Variants in ZBTB21 observed in about 807,000 individuals in gnomAD.
The protein encoded by ZBTB21 is zinc finger and BTB domain-containing protein 21.
ZBTB21 carries 10 observed loss-of-function variants against 39.8 expected under a neutral mutation model. The ratio of observed to expected loss-of-function variants is 0.25; its 90% CI spans 0.16 to 0.43. The LOEUF is 0.43. Among genes scored for constraint, ZBTB21 ranks in the 20% least tolerant of loss-of-function variants. The probability of loss-of-function intolerance (pLI) is 1.00; values close to 1 mark genes in which losing one functional copy is unlikely to be tolerated. For missense variants in ZBTB21, 1,221 were observed against 1,296.3 expected (o/e 0.94, Z 0.89); for synonymous variants, 551 against 498.8 (o/e 1.10, Z -1.40).
chr21:42,002,149 A>G lies in ZBTB21; in HGVS notation c.-14+748T>C, dbSNP rs529622513. ...GTACCCCAGGATCTAGAGACTCTAG[A>G]TGTCTAGATAGGAGACAGGGGTAGC... On this transcript the variant is annotated intron_variant, in intron 2 of 2. Coordinates refer to ENST00000310826, the MANE Select transcript of ZBTB21 (RefSeq NM_001098402.2). 3.1e-4 allele frequency among the ~76,000 whole-genome samples: 47 copies of G among 152,326 alleles called. 2 individuals carry two copies. The highest frequency in any genetic ancestry group is 1.9e-3 in the Admixed American group (29 of 15,312).
chr21:41,992,845 G>A lies in ZBTB21; in HGVS notation c.1251C>T (p.Asp417=). 1 of 1,614,172 alleles carries A rather than the reference G, an allele frequency of 6.2e-7. No homozygotes were observed. The highest frequency in any genetic ancestry group is 1.1e-5 in the South Asian group (1 of 91,078). The change falls in exon 3 of 3, where the codon GAC becomes GAT. Residue 417 remains aspartate, a synonymous_variant. Coordinates refer to ENST00000310826, the MANE Select transcript of ZBTB21 (RefSeq NM_001098402.2). The surrounding 1 kb of genome is among the most constrained non-coding windows in gnomAD (Gnocchi z 4.1). ...LRSFSASQST[D]REGASPVTEV... is the part of the protein sequence containing the mutation. The stretch of plus-strand genomic sequence containing the variant: ...CAGTCACAGGGGAAGCTCCCTCCCT[G>A]TCTGTTGACTGAGAAGCACTAAAGG...
chr21:42,008,716 G>T (rs1007961553), intron 1 of ZBTB21, among the ~76,000 whole-genome samples: 16 of 152,010 alleles, frequency 1.1e-4, no homozygotes, highest in Non-Finnish European at 1.5e-4. Context: ...GAGGGCAGGG[G>T]TTATATCTTC....
chr21:42,005,631 T>C (rs1303422722), intron 1 of ZBTB21, among the ~76,000 whole-genome samples: 1 of 152,262 alleles, frequency 6.6e-6, no homozygotes, highest in Non-Finnish European at 1.5e-5. Context: ...TCACTGTTCC[T>C]TGTCATGCCT....
At chr21:42,008,342 CAAAAAAA>C (rs767411984) in intron 1 of ZBTB21, among the ~76,000 whole-genome samples, 6 of 54,296 alleles carry the variant, frequency 1.1e-4, no homozygotes, top group South Asian at 9.3e-4. Flanking sequence ...CCCGTCTCTA[CAAAAAAA>C]AAAAAAAAAA....
chr21:41,999,565 G>A (rs1009293465), intron 2 of ZBTB21, among the ~76,000 whole-genome samples: 2 of 152,184 alleles, frequency 1.3e-5, no homozygotes, highest in African/African-American at 4.8e-5. Flanking sequence ...TAATGCTATT[G>A]TGGGAATTAA....
intron 2 of ZBTB21, among the ~76,000 whole-genome samples, chr21:41,996,355 C>T (rs913711316): frequency 6.6e-6 from 1 of 152,202 alleles, no homozygotes; most frequent in African/African-American, 2.4e-5. Context: ...ATCAGCTTGA[C>T]CTGGATGTGA....
At position 41,993,581 on chromosome 21, in the gene ZBTB21, T is replaced by G; in HGVS notation, c.515A>C (p.His172Pro). The G allele has an allele frequency of 1.2e-6, 2 of 1,614,272 alleles. No homozygotes were observed. The highest frequency in any genetic ancestry group is 1.7e-6 in the Non-Finnish European group (2 of 1,180,056). Reference sequence around the variant, plus strand: ...AATGCTAGGAGAGGGCCGGGAAGTATGGCTTACATCGGGTTGATTTTGACT... The same window carrying G: ...AATGCTAGGAGAGGGCCGGGAAGTAGGGCTTACATCGGGTTGATTTTGACT... Reference protein sequence around the residue: ...TVSQNQPDVSHTSRPSPSIAV... With the variant: ...TVSQNQPDVSPTSRPSPSIAV... The change falls in exon 3 of 3, where the codon CAT becomes CCT. Residue 172 changes from histidine to proline, a missense_variant. Transcript: ENST00000310826.
chr21:42,009,047 G>C (rs927782284), intron 1 of ZBTB21: 3 of 152,158 alleles, frequency 2.0e-5, no homozygotes, highest in African/African-American at 2.4e-5. Context: ...AGGACTCAGG[G>C]TCATCGTGTG....
intron 2 of ZBTB21, among the ~76,000 whole-genome samples, 177 bp from the exon 3 acceptor site, chr21:41,994,285 G>C (rs539350858): frequency 6.6e-6 from 1 of 152,258 alleles, no homozygotes; most frequent in East Asian, 1.9e-4. Flanking sequence ...TGTAAAATAA[G>C]TCTCGTGGTT....
chr21:42,010,346 C>T lies in ZBTB21; in HGVS notation c.-173G>A, dbSNP rs1376014786. 2.7e-6 allele frequency: 1 copy of T among 371,594 alleles called. No individual in the cohort carries two copies. The highest frequency in any genetic ancestry group is 4.8e-6 in the Non-Finnish European group (1 of 209,774). The allele number at this position is 371,594 out of a possible 1,614,324, so 23.0% of individuals were successfully genotyped here. ...CCGCTGCCGCTGTGATTCCATCCAT[C>T]TTGAATTTGACGTCATCCCACACCA... On this transcript the variant is annotated 5_prime_UTR_variant, in exon 1 of 3. Transcript: ENST00000310826.
In ZBTB21 at chr21:41,986,988, CTAAG is replaced by C. The variant is rs767309263; in HGVS notation, c.*3903_*3906del. ...ATTTTCAGTTCGAAAAAGCTTATTC[CTAAG>C]TAAAATGGAAAAATGACTTACTCTG... On this transcript the variant is annotated 3_prime_UTR_variant, in exon 3 of 3. Coordinates refer to ENST00000310826, the MANE Select transcript of ZBTB21 (RefSeq NM_001098402.2). The C allele has an allele frequency of 1.3e-5, 2 of 152,552 alleles. No individual in the cohort carries two copies. Among genetic ancestry groups the C allele is most frequent in the Non-Finnish European group, 2.9e-5 (2 of 68,026 alleles). The allele number at this position is 152,552 out of a possible 1,614,324, so 9.4% of individuals were successfully genotyped here.
chr21:42,000,258 C>G (rs116199456), intron 2 of ZBTB21, among the ~76,000 whole-genome samples: 1 of 152,182 alleles, frequency 6.6e-6, no homozygotes, highest in African/African-American at 2.4e-5. Flanking sequence ...ATATCCTACA[C>G]GTGAGCAGCA....
chr21:41,989,644 T>TA lies in ZBTB21; in HGVS notation c.*1250dup, dbSNP rs2065624502. The TA allele has an allele frequency of 6.6e-6, 1 of 152,190 alleles. No individual in the cohort carries two copies. Among genetic ancestry groups the TA allele is most frequent in the Non-Finnish European group, 1.5e-5 (1 of 68,002 alleles). The allele number at this position is 152,190 out of a possible 1,614,324, so 9.4% of individuals were successfully genotyped here. A position where few individuals can be genotyped will look rare whatever the true frequency, so the allele number is the denominator to read the frequency against. ...AAACCCATGGAGCAAAATAAGTAGC[T>TA]AAAACTAATTTTGGACCACTGATAG... On this transcript the variant is annotated 3_prime_UTR_variant, in exon 3 of 3. Transcript: ENST00000310826.
rs772096023 is a variant in ZBTB21 at position 41,992,045 on chromosome 21, T to C, written c.2051A>G (p.Gln684Arg). The change falls in exon 3 of 3, where the codon CAA becomes CGA. Residue 684 changes from glutamine (Q) to arginine (R), a missense_variant. Around this residue, in one of 4 missense-constraint regions of ZBTB21, gnomAD observed 523 missense variants for 542.5 expected, o/e 0.96. Coordinates refer to ENST00000310826, the MANE Select transcript of ZBTB21 (RefSeq NM_001098402.2). This position sits in a 1 kb window ranked among gnomAD's most constrained non-coding sequence, Gnocchi z 4.1. Reference sequence around the variant, plus strand: ...ATGCATTTTTATATGCTGCTTAAATTGAGAGAGAAAGCGGTACGCTTTTCC... The same window carrying C: ...ATGCATTTTTATATGCTGCTTAAATCGAGAGAGAAAGCGGTACGCTTTTCC... ...YCGKAYRFLS[Q>R]FKQHIKMHPG... 15 of 1,614,136 alleles carry C rather than the reference T, an allele frequency of 9.3e-6. No individual in the cohort carries two copies. The highest frequency in any genetic ancestry group is 1.3e-5 in the Non-Finnish European group (15 of 1,180,058).
At chr21:42,005,517 T>C (rs1259125896) in intron 1 of ZBTB21, among the ~76,000 whole-genome samples, 2 of 152,218 alleles carry the variant, frequency 1.3e-5, no homozygotes, top group Non-Finnish European at 2.9e-5. Context: ...TTCTTTTAAG[T>C]CCAAGAGCAA....
chr21:41,991,576 G>A lies in ZBTB21; in HGVS notation c.2520C>T (p.Thr840=), dbSNP rs758619096. 17 of 1,614,182 alleles carry A rather than the reference G, an allele frequency of 1.1e-5. No individual in the cohort carries two copies. The highest frequency in any genetic ancestry group is 1.7e-5 in the Admixed American group (1 of 60,012). Residue 840 remains threonine (T), a synonymous_variant, in exon 3 of 3, where the codon ACC becomes ACT. Coordinates refer to ENST00000310826, the MANE Select transcript of ZBTB21 (RefSeq NM_001098402.2). This position sits in a 1 kb window ranked among gnomAD's most constrained non-coding sequence, Gnocchi z 4.9. ...CACTGAACACGTTGTCGTCTTTTGT[G>A]GTGACGATGTGGTTTACTTTGTTGG... is the stretch of plus-strand genomic sequence containing the variant. ...PEPNKVNHIV[T]TKDDNVFSDS...
At chr21:42,001,463 G>C (rs986532910) in intron 2 of ZBTB21, among the ~76,000 whole-genome samples, 1 of 152,208 alleles carries the variant, frequency 6.6e-6, no homozygotes, top group Non-Finnish European at 1.5e-5. Context: ...TGTGCAGGAA[G>C]AGAACAGGTC....
chr21:41,993,122 C>A lies in ZBTB21; in HGVS notation c.974G>T (p.Gly325Val). Residue 325 changes from glycine (G) to valine (V), a missense_variant, in exon 3 of 3, where the codon GGA becomes GTA. By Grantham distance (109) the Gly-to-Val change is moderately radical. This residue lies in a region of ZBTB21 where 500 missense variants were observed against 465.6 expected (regional missense o/e 1.07). Transcript: ENST00000310826. ...LVIPSSGSGSGNQSIDRSGPL... is the reference protein window; with the variant it reads ...LVIPSSGSGSVNQSIDRSGPL... ...GCCACTCCTGTCAATGCTTTGGTTTCCAGAACCAGATCCACTGGATGGGAT... is the reference window on the plus strand; with the variant it reads ...GCCACTCCTGTCAATGCTTTGGTTTACAGAACCAGATCCACTGGATGGGAT... 6.2e-7 allele frequency: 1 copy of A among 1,614,184 alleles called. No homozygotes were observed. The highest frequency in any genetic ancestry group is 2.2e-5 in the East Asian group (1 of 44,888).
intron 1 of ZBTB21, among the ~76,000 whole-genome samples, chr21:42,004,752 C>T (rs1050031184): frequency 1.3e-5 from 2 of 152,300 alleles, no homozygotes; most frequent in Admixed American, 1.3e-4. Context: ...AGAGGGAATG[C>T]ATGTAACACA....
Sources: gnomAD v4.1 joint callset for allele counts (sites outside exome capture counted in the v4.1 genomes callset) on GRCh38, gnomAD v4.1.1 for gene constraint, gnomAD v4.1.1 regional missense constraint, Gnocchi (gnomAD v3.1) non-coding constraint, MANE v1.5 for transcripts, NCBI Gene and HGNC (gene_info 2026-07-23, HGNC 2026-07-21) for gene names.